TBC1D5: variants seen among roughly 807,000 people sequenced by gnomAD.
TBC1D5 encodes TBC1 domain family member 5.
TBC1D5 carries 75 observed loss-of-function variants against 100.3 expected under a neutral mutation model. The observed-to-expected ratio is 0.75, with a 90% confidence interval of 0.62 to 0.91. The LOEUF (loss-of-function observed/expected upper bound fraction) is 0.91, where lower values mean the gene tolerates loss of function less well. Among genes scored for constraint, TBC1D5 ranks in the 40% least tolerant of loss-of-function variants. The pLI, the probability that TBC1D5 is intolerant of heterozygous loss-of-function variation, is 0.00. For synonymous variants in TBC1D5, 323 were observed against 325.6 expected (o/e 0.99, Z 0.09); for missense variants, 910 against 942.4 (o/e 0.97, Z 0.45).
chr3:17,623,385 G>A (rs1333428049), intron 2 of TBC1D5, among the ~76,000 whole-genome samples: 5 of 152,256 alleles, frequency 3.3e-5, no homozygotes, highest in Admixed American at 3.3e-4. Context: ...ACTACTTTCT[G>A]AAGATTTGAT....
chr3:17,467,378 C>T (rs79560501), intron 3 of TBC1D5, among the ~76,000 whole-genome samples: 596 of 148,144 alleles, frequency 4.0e-3, no homozygotes, highest in Middle Eastern at 6.9e-3. Context: ...AGGTTTGTTA[C>T]ATATGTTTCT....
chr3:17,293,307 T>G (rs1315199085), intron 14 of TBC1D5, among the ~76,000 whole-genome samples: 1 of 152,214 alleles, frequency 6.6e-6, no homozygotes, highest in South Asian at 2.1e-4. Context: ...TATGTACAGA[T>G]TTCTTTGAGA....
At chr3:17,611,131 A>T (rs1391564157) in intron 2 of TBC1D5, among the ~76,000 whole-genome samples, 1 of 152,196 alleles carries the variant, frequency 6.6e-6, no homozygotes, top group Non-Finnish European at 1.5e-5. Flanking sequence ...ATCAAAAATG[A>T]ATCTTAAATT....
chr3:17,727,317 G>A (rs1458240749), intron 1 of TBC1D5, among the ~76,000 whole-genome samples: 1 of 152,204 alleles, frequency 6.6e-6, no homozygotes, highest in African/African-American at 2.4e-5. Context: ...GGAGGCAGAG[G>A]TTGCAGTGAG....
chr3:17,455,222 A>C (rs1257727332), intron 3 of TBC1D5, among the ~76,000 whole-genome samples: 5 of 144,788 alleles, frequency 3.5e-5, no homozygotes, highest in Admixed American at 2.7e-4. Flanking sequence ...ATACATATAT[A>C]TTATATATTG....
chr3:17,374,608 A>T (rs765357602), intron 11 of TBC1D5, 21 bp downstream of exon 11: 1 of 1,610,376 alleles, frequency 6.2e-7, no homozygotes, highest in Non-Finnish European at 8.5e-7. Context: ...AAAATAAAAC[A>T]AAGAAAGTTT....
At chr3:17,673,311 CTTTT>C (rs374496313) in intron 1 of TBC1D5, among the ~76,000 whole-genome samples, 2 of 125,970 alleles carry the variant, frequency 1.6e-5, no homozygotes, top group Admixed American at 8.7e-5. Flanking sequence ...CTTTTCTTTT[CTTTT>C]TTTTTTTTTT....
chr3:17,197,445 T>TGA (rs1559391184), intron 18 of TBC1D5, among the ~76,000 whole-genome samples: 4 of 152,152 alleles, frequency 2.6e-5, no homozygotes, highest in Non-Finnish European at 4.4e-5. Context: ...GGTGTGATCA[T>TGA]GGCTCATCGC....
chr3:17,647,285 C>T (rs1347653073), intron 1 of TBC1D5, among the ~76,000 whole-genome samples: 1 of 152,096 alleles, frequency 6.6e-6, no homozygotes, highest in East Asian at 1.9e-4. Context: ...TTCCTACCCT[C>T]ATGAAGCTTA....
intron 2 of TBC1D5, among the ~76,000 whole-genome samples, chr3:17,581,835 G>C (rs1044300925): frequency 6.6e-6 from 1 of 152,140 alleles, no homozygotes; most frequent in African/African-American, 2.4e-5. Flanking sequence ...TAGATTCTCA[G>C]TTACATCTCT....
chr3:17,624,239 T>A (rs1009253544), intron 1 of TBC1D5, among the ~76,000 whole-genome samples: 1 of 152,340 alleles, frequency 6.6e-6, no homozygotes, highest in East Asian at 1.9e-4. Flanking sequence ...ATTCTCTTTA[T>A]GTTTCTTGAT....
At chr3:17,250,219 TCAAA>T (rs1483004688) in intron 16 of TBC1D5, among the ~76,000 whole-genome samples, 1 of 152,178 alleles carries the variant, frequency 6.6e-6, no homozygotes, top group Non-Finnish European at 1.5e-5. Context: ...AAATATATAC[TCAAA>T]CAAATCACTT....
At chr3:17,254,105 C>T (rs770087858) in intron 16 of TBC1D5, among the ~76,000 whole-genome samples, 12 of 152,138 alleles carry the variant, frequency 7.9e-5, no homozygotes, top group Non-Finnish European at 1.6e-4. Context: ...TACCTGGTCT[C>T]TTGTTGATGG....
intron 2 of TBC1D5, among the ~76,000 whole-genome samples, chr3:17,595,332 A>C (rs2153575792): frequency 6.6e-6 from 1 of 152,326 alleles, no homozygotes; most frequent in South Asian, 2.1e-4. Context: ...GGGTAGTTTA[A>C]TAAAAATGGA....
At chr3:17,251,227 G>C (rs897692035) in intron 16 of TBC1D5, among the ~76,000 whole-genome samples, 38 of 152,186 alleles carry the variant, frequency 2.5e-4, no homozygotes, top group African/African-American at 6.5e-4. Context: ...AACCACTGTA[G>C]CTGTGGAACC....
At chr3:17,471,554 C>A (rs2095372335) in intron 3 of TBC1D5, among the ~76,000 whole-genome samples, 1 of 150,450 alleles carries the variant, frequency 6.6e-6, no homozygotes, top group African/African-American at 2.4e-5. Flanking sequence ...ACATAAACAG[C>A]ATTTTAAAAA....
chr3:17,474,484 T>A (rs567714512), intron 3 of TBC1D5, among the ~76,000 whole-genome samples: 1 of 151,972 alleles, frequency 6.6e-6, no homozygotes, highest in Non-Finnish European at 1.5e-5. Flanking sequence ...TTAGCAATAT[T>A]TGAAAGAAGG....
At chr3:17,303,395 G>C (rs966425738) in intron 14 of TBC1D5, among the ~76,000 whole-genome samples, 4 of 152,084 alleles carry the variant, frequency 2.6e-5, no homozygotes, top group African/African-American at 7.2e-5. Flanking sequence ...ATAATTGACT[G>C]GTTCAATAAA....
At chr3:17,333,090 T>C (rs573543980) in intron 13 of TBC1D5, 1 of 152,428 alleles carries the variant, frequency 6.6e-6, no homozygotes, top group East Asian at 1.9e-4. Flanking sequence ...TGGTGTCACA[T>C]AGTGCTGGAG....
Sources: gnomAD v4.1 joint callset for allele counts (sites outside exome capture counted in the v4.1 genomes callset) on GRCh38, gnomAD v4.1.1 for gene constraint, MANE v1.5 for transcripts, NCBI Gene and HGNC (gene_info 2026-07-23, HGNC 2026-07-21) for gene names.